The following DACH1 variants were observed in gnomAD, a reference collection of about 807,000 sequenced individuals.
DACH1 encodes dachshund homolog 1.
In DACH1, 12 loss-of-function variants were observed where a neutral mutation model predicts 54.2. That is an observed-to-expected ratio of 0.22 (90% CI 0.14 to 0.36). DACH1 has a LOEUF of 0.36. Among genes scored for constraint, DACH1 ranks in the 10% least tolerant of loss-of-function variants. DACH1 has a pLI of 1.00. For missense variants in DACH1, 805 were observed against 929.8 expected (o/e 0.87, Z 1.75); for synonymous variants, 386 against 366.2 (o/e 1.05, Z -0.62).
chr13:71,829,194 C>T (rs1490904745), intron 1 of DACH1, among the ~76,000 whole-genome samples: 2 of 151,852 alleles, frequency 1.3e-5, no homozygotes, highest in African/African-American at 2.4e-5. Context: ...AGTATAATCT[C>T]CATCTACAAA....
intron 1 of DACH1, among the ~76,000 whole-genome samples, chr13:71,683,454 A>G (rs1253136295): frequency 2.0e-5 from 3 of 152,162 alleles, no homozygotes; most frequent in Admixed American, 6.6e-5. Flanking sequence ...AACCATGAAA[A>G]ATGTATGGAT....
At chr13:71,590,115 A>G (rs958826329) in intron 3 of DACH1, among the ~76,000 whole-genome samples, 1 of 152,126 alleles carries the variant, frequency 6.6e-6, no homozygotes, top group South Asian at 2.1e-4. Context: ...GCTGTTCTTC[A>G]GATTAAAAAC....
chr13:71,831,892 G>A (rs1338306608), intron 1 of DACH1, among the ~76,000 whole-genome samples: 6 of 151,948 alleles, frequency 3.9e-5, no homozygotes, highest in East Asian at 1.9e-4. Context: ...ACAATAAAAC[G>A]ACCATGCTCT....
In DACH1 at chr13:71,490,310, G is replaced by A. The variant is rs537081271; in HGVS notation, c.1571-1162C>T. On this transcript the variant is annotated intron_variant, in intron 6 of 10. Coordinates refer to ENST00000613252, the MANE Select transcript of DACH1 (RefSeq NM_080759.6). ...ACACGTTTTCCAATTACGTCTCTCTGGGGCAGAAATATTGTAGAAGCTGCC... is the reference window on the plus strand; with the variant it reads ...ACACGTTTTCCAATTACGTCTCTCTAGGGCAGAAATATTGTAGAAGCTGCC... Among the ~76,000 whole-genome samples the A allele has an allele frequency of 2.0e-5, 3 of 152,166 alleles. No homozygotes were observed. The South Asian group carries it at 6.2e-4, about 32-fold the overall frequency.
At chr13:71,528,596 GTTTC>G (rs1439025159) in intron 6 of DACH1, among the ~76,000 whole-genome samples, 1 of 151,196 alleles carries the variant, frequency 6.6e-6, no homozygotes, top group Non-Finnish European at 1.5e-5. Flanking sequence ...CCCGGCTAAT[GTTTC>G]TTTCTATTTT....
chr13:71,528,455 T>C (rs1882167014), intron 6 of DACH1, among the ~76,000 whole-genome samples: 1 of 124,318 alleles, frequency 8.0e-6, no homozygotes, highest in Non-Finnish European at 1.6e-5. Flanking sequence ...TGAGACTGAG[T>C]CTCGCTCTGT....
At chr13:71,635,757 A>G (rs1877442165) in intron 2 of DACH1, among the ~76,000 whole-genome samples, 1 of 151,990 alleles carries the variant, frequency 6.6e-6, no homozygotes, top group African/African-American at 2.4e-5. Context: ...GTCTTATACT[A>G]CAAATTACCA....
intron 6 of DACH1, among the ~76,000 whole-genome samples, chr13:71,556,077 G>A (rs145562418): frequency 2.5e-3 from 377 of 152,228 alleles, no homozygotes; most frequent in African/African-American, 8.7e-3. Context: ...TTTTTTGTGA[G>A]TAGTCTTTTT....
chr13:71,843,190 C>T (rs1470082506), intron 1 of DACH1, among the ~76,000 whole-genome samples: 1 of 152,106 alleles, frequency 6.6e-6, no homozygotes. Context: ...TATCCATCCA[C>T]TCAAGCATTT....
chr13:71,840,909 C>T (rs1421170319), intron 1 of DACH1, among the ~76,000 whole-genome samples: 1 of 152,068 alleles, frequency 6.6e-6, no homozygotes, highest in African/African-American at 2.4e-5. Flanking sequence ...CATTAAAGAA[C>T]ATGTACAAAG....
intron 3 of DACH1, among the ~76,000 whole-genome samples, chr13:71,592,513 A>AAAAAAAAAAAAAAAAAAAAAAAAG (rs768010399): frequency 6.9e-6 from 1 of 145,814 alleles, no homozygotes; most frequent in Non-Finnish European, 1.5e-5. Flanking sequence ...AAAAAAAAAA[A>AAAAAAAAAAAAAAAAAAAAAAAAG]AAAAGAAAAG....
intron 2 of DACH1, among the ~76,000 whole-genome samples, chr13:71,672,686 G>A (rs903869124): frequency 1.2e-4 from 18 of 152,026 alleles, no homozygotes; most frequent in African/African-American, 3.4e-4. Flanking sequence ...TGTATTTCTC[G>A]CATTTCTTGG....
At chr13:71,804,131 C>A (rs1887395332) in intron 1 of DACH1, among the ~76,000 whole-genome samples, 2 of 152,034 alleles carry the variant, frequency 1.3e-5, no homozygotes, top group Admixed American at 1.3e-4. Context: ...CCAACCTGGG[C>A]AACATAGCAA....
chr13:71,549,570 T>A (rs1448055760), intron 6 of DACH1, among the ~76,000 whole-genome samples: 1 of 152,128 alleles, frequency 6.6e-6, no homozygotes, highest in Non-Finnish European at 1.5e-5. Flanking sequence ...TACAAAAAAG[T>A]TGCTAAAATC....
At chr13:71,697,797 G>A (rs1485784638) in intron 1 of DACH1, among the ~76,000 whole-genome samples, 1 of 151,972 alleles carries the variant, frequency 6.6e-6, no homozygotes, top group Non-Finnish European at 1.5e-5. Flanking sequence ...CTAAAATAAT[G>A]CATTTAATAC....
intron 1 of DACH1, among the ~76,000 whole-genome samples, chr13:71,713,475 A>C (rs184113919): frequency 1.9e-4 from 29 of 152,254 alleles, no homozygotes; most frequent in East Asian, 9.6e-4. Flanking sequence ...CACACACACA[A>C]AAAAAGCTTC....
intron 2 of DACH1, among the ~76,000 whole-genome samples, chr13:71,632,693 C>T (rs1441949045): frequency 6.6e-6 from 1 of 151,934 alleles, no homozygotes; most frequent in East Asian, 1.9e-4. Flanking sequence ...CAGATCAGAC[C>T]AAAGAGGCCC....
Position 71,565,222 on chromosome 13 carries a change from TATA to T in DACH1, c.1300-5270_1300-5268del, listed in dbSNP as rs199660680. On this transcript the variant is annotated intron_variant, in intron 4 of 10. Transcript: ENST00000613252. ...GTGCCCAGCCTAAATGTTATCTTCA[TATA>T]ACTTTTAATTTATAAAATTGATGAA... Among the ~76,000 whole-genome samples the T allele has an allele frequency of 4.8e-3, 732 of 152,264 alleles. 6 individuals are homozygous for T. Among genetic ancestry groups the T allele is most frequent in the African/African-American group, 0.017 (705 of 41,530 alleles).
At chr13:71,805,310 A>T (rs928123782) in intron 1 of DACH1, among the ~76,000 whole-genome samples, 1 of 152,182 alleles carries the variant, frequency 6.6e-6, no homozygotes, top group African/African-American at 2.4e-5. Flanking sequence ...AATCTATGAG[A>T]CGCAAACACT....
Sources: allele counts gnomAD v4.1 joint callset (sites outside exome capture counted in the v4.1 genomes callset), GRCh38; gene constraint gnomAD v4.1.1; transcripts MANE v1.5; gene names NCBI Gene and HGNC (gene_info 2026-07-23, HGNC 2026-07-21).